Variants in AKT1 observed in about 807,000 individuals in gnomAD.
AKT1 encodes AKT serine/threonine kinase 1.
AKT1 carries 21 observed loss-of-function variants against 63.1 expected under a neutral mutation model. The observed-to-expected ratio is 0.33, with a 90% CI of 0.24 to 0.48. AKT1 has a LOEUF of 0.48. Ranked by LOEUF, AKT1 falls within the 20% of genes least tolerant of loss-of-function variation. The probability of loss-of-function intolerance (pLI) is 0.99; values close to 1 mark genes in which losing one functional copy is unlikely to be tolerated. For synonymous variants in AKT1, 257 were observed against 253.1 expected, an observed-to-expected ratio of 1.02 and a Z score of -0.15; for missense variants, 382 against 666.0, an observed-to-expected ratio of 0.57 and a Z score of 4.69.
chr14:104,775,123 G>A lies in AKT1; in HGVS notation c.520C>T (p.Arg174Cys), dbSNP rs983007851. 31 of 1,613,982 alleles carry A rather than the reference G, an allele frequency of 1.9e-5. No individual in the cohort carries two copies. The highest frequency in any genetic ancestry group is 6.7e-5 in the East Asian group (3 of 44,896). The part of the protein sequence containing the change: ...VILVKEKATG[R>C]YYAMKILKKE... ...TTGAGGATCTTCATGGCGTAGTAGC[G>A]GCCTGTGGCCTTCTCCTTCACCAGG... Residue 174 changes from arginine to cysteine, a missense_variant, in exon 7 of 15, where the codon CGC (arginine) becomes TGC (cysteine). Arg to Cys is a radical substitution (Grantham distance 180, BLOSUM62 -3). This residue lies in a region of AKT1 where 226 missense variants were observed against 366.4 expected (regional missense o/e 0.62). Transcript: ENST00000649815.
intron 3 of AKT1, among the ~76,000 whole-genome samples, chr14:104,784,676 G>T (rs372707603): frequency 7.0e-6 from 1 of 143,176 alleles, no homozygotes; most frequent in African/African-American, 2.5e-5. Context: ...CCACCACCAC[G>T]GGGACCACAT....
intron 3 of AKT1, 45 bp from the exon 4 acceptor site, chr14:104,780,261 A>G (rs2140950690): frequency 6.2e-7 from 1 of 1,601,060 alleles, no homozygotes; most frequent in Non-Finnish European, 8.5e-7. Context: ...TCTACCCGTC[A>G]GACCCTCGCC....
chr14:104,782,383 G>A (rs774936420), intron 3 of AKT1, among the ~76,000 whole-genome samples: 5 of 152,022 alleles, frequency 3.3e-5, no homozygotes, highest in East Asian at 1.9e-4. Flanking sequence ...AGCCCCCACC[G>A]TGCCCAGCAT....
chr14:104,784,369 G>A (rs1337711611), intron 3 of AKT1, among the ~76,000 whole-genome samples: 1 of 152,148 alleles, frequency 6.6e-6, no homozygotes, highest in Admixed American at 6.5e-5. Context: ...CCTCGGTGGG[G>A]GGTAGGCAGT....
At chr14:104,772,754 G>A (rs1352642802) in intron 12 of AKT1, 124 bp downstream of exon 12, 3 of 1,127,098 alleles carry the variant, frequency 2.7e-6, no homozygotes, top group Admixed American at 2.4e-5. Flanking sequence ...CCCTGGCCAA[G>A]GACATCAAGC....
rs566677791 is a variant in AKT1 at position 104,769,576 on chromosome 14, C to T, written c.*765G>A. On this transcript the variant is annotated 3_prime_UTR_variant, in exon 15 of 15. Coordinates refer to ENST00000649815, the MANE Select transcript of AKT1 (RefSeq NM_001382430.1). ...AAGCGTCGAAAAGGTCAAGTGCTACCGTGGAGAGATCATCTGAGGGGGAGG... is the reference window on the plus strand; with the variant it reads ...AAGCGTCGAAAAGGTCAAGTGCTACTGTGGAGAGATCATCTGAGGGGGAGG... 9.4e-6 allele frequency: 5 copies of T among 533,144 alleles called. No individual in the cohort carries two copies. The highest frequency in any genetic ancestry group is 6.1e-5 in the South Asian group (4 of 65,046). 33.0% of individuals were successfully genotyped at this position (533,144 alleles called of 1,614,324 possible).
rs199770031 is a variant in AKT1 at position 104,773,098 on chromosome 14, C to T, written c.958-6G>A. 5.9e-5 allele frequency: 95 copies of T among 1,613,682 alleles called. No individual in the cohort carries two copies. In the East Asian group the frequency reaches 1.9e-3, roughly 32 times the overall value. Reference sequence around the variant, plus strand: ...TAGTCATTGTCCTCCAGCACCTGCACGGGTGGCAGATGGGCAGGACTCGGC... The same window carrying T: ...TAGTCATTGTCCTCCAGCACCTGCATGGGTGGCAGATGGGCAGGACTCGGC... On this transcript the variant is annotated splice_region_variant and splice_polypyrimidine_tract_variant and intron_variant, in intron 11 of 14. Transcript: ENST00000649815.
chr14:104,770,561 G>T (rs1345170762), intron 14 of AKT1, 141 bp from the exon 15 acceptor site: 2 of 980,330 alleles, frequency 2.0e-6, no homozygotes, highest in Non-Finnish European at 3.0e-6. Context: ...GGGCCCCACA[G>T]ATTGACACAG....
chr14:104,785,966 C>T (rs1455514596), intron 3 of AKT1, among the ~76,000 whole-genome samples: 1 of 152,106 alleles, frequency 6.6e-6, no homozygotes, highest in Non-Finnish European at 1.5e-5. Context: ...TGACAGACCA[C>T]CTGGGCCTGG....
intron 3 of AKT1, among the ~76,000 whole-genome samples, chr14:104,789,000 C>A (rs1005105626): frequency 6.6e-6 from 1 of 152,216 alleles, no homozygotes; most frequent in Non-Finnish European, 1.5e-5. Context: ...CCCACACACT[C>A]AGGAGCGTCT....
At chr14:104,781,813 T>C (rs1453464079) in intron 3 of AKT1, among the ~76,000 whole-genome samples, 3 of 152,130 alleles carry the variant, frequency 2.0e-5, no homozygotes, top group African/African-American at 4.8e-5. Context: ...AGCCCACTCA[T>C]AGCTGCCTGA....
At chr14:104,788,999 T>G (rs1893484597) in intron 3 of AKT1, among the ~76,000 whole-genome samples, 1 of 152,050 alleles carries the variant, frequency 6.6e-6, no homozygotes, top group Admixed American at 6.5e-5. Context: ...GCCCACACAC[T>G]CAGGAGCGTC....
intron 9 of AKT1, 59 bp from the exon 10 acceptor site, chr14:104,773,639 C>A: frequency 6.4e-7 from 1 of 1,556,876 alleles, no homozygotes; most frequent in Non-Finnish European, 8.7e-7. Context: ...CCATGGCCTG[C>A]AGGGCTGGGG....
At chr14:104,787,809 G>A (rs1893412889) in intron 3 of AKT1, among the ~76,000 whole-genome samples, 2 of 152,242 alleles carry the variant, frequency 1.3e-5, no homozygotes. Flanking sequence ...GTCCACTCAG[G>A]AGCCACCAGG....
intron 1 of AKT1, among the ~76,000 whole-genome samples, chr14:104,794,736 C>A (rs912368375): frequency 9.9e-5 from 15 of 152,210 alleles, no homozygotes; most frequent in Non-Finnish European, 2.2e-4. Flanking sequence ...GGCCGAGAGA[C>A]CCAGGAGTGA....
intron 3 of AKT1, among the ~76,000 whole-genome samples, chr14:104,787,262 A>C (rs1250081795): frequency 6.6e-6 from 1 of 152,140 alleles, no homozygotes; most frequent in Non-Finnish European, 1.5e-5. Flanking sequence ...TGAGGAAGTA[A>C]GGGGCCTAGG....
chr14:104,777,296 G>A (rs1231762078), intron 4 of AKT1: 2 of 210,658 alleles, frequency 9.5e-6, no homozygotes, highest in Non-Finnish European at 1.9e-5. Flanking sequence ...CCACACCTGG[G>A]GCACAGGCAC....
rs531298345 is a variant in AKT1, at chr14:104,771,634, T to C, written c.1260+731A>G. 1.2e-3 allele frequency: 283 copies of C among 233,244 alleles called. 1 individual carries two copies. Among genetic ancestry groups the C allele is most frequent in the Non-Finnish European group, 2.0e-3 (242 of 118,212 alleles). 14.4% of individuals were successfully genotyped at this position (233,244 alleles called of 1,614,324 possible). On this transcript the variant is annotated intron_variant, in intron 13 of 14. Coordinates refer to ENST00000649815, the MANE Select transcript of AKT1 (RefSeq NM_001382430.1). ...ATGGGAGAACAGGTGCCCAGCTGGGTCCCAGGGCTGCCCAGCCCGACCAGC... is the reference window on the plus strand; with the variant it reads ...ATGGGAGAACAGGTGCCCAGCTGGGCCCCAGGGCTGCCCAGCCCGACCAGC...
In AKT1 at chr14:104,772,984, T is replaced by G. The variant is rs1335182846; in HGVS notation, c.1066A>C (p.Lys356Gln). Residue 356 changes from lysine (K) to glutamine (Q), a missense_variant, in exon 12 of 15, where the codon AAG (lysine) becomes CAG (glutamine). Coordinates refer to ENST00000649815, the MANE Select transcript of AKT1 (RefSeq NM_001382430.1). ...TCCATGAGGATGAGCTCAAAAAGCT[T>G]CTCATGGTCCTGGTTGTAGAAGGGC... is the stretch of plus-strand genomic sequence containing the variant. ...RLPFYNQDHE[K>Q]LFELILMEEI... 1 of 1,613,998 alleles carries G rather than the reference T, an allele frequency of 6.2e-7. No homozygotes were observed. The highest frequency in any genetic ancestry group is 8.5e-7 in the Non-Finnish European group (1 of 1,179,994).
Sources: allele counts gnomAD v4.1 joint callset (sites outside exome capture counted in the v4.1 genomes callset), GRCh38; gene constraint gnomAD v4.1.1; regional missense constraint gnomAD v4.1.1; transcripts MANE v1.5; gene names NCBI Gene and HGNC (gene_info 2026-07-23, HGNC 2026-07-21).